SEMA3F: variants seen among roughly 807,000 people sequenced by gnomAD.
SEMA3F encodes semaphorin-3F.
Under a neutral mutation model 98.5 loss-of-function variants are expected in SEMA3F, and 30 were observed. That is an observed-to-expected ratio of 0.30 (90% confidence interval 0.23 to 0.41). The LOEUF is 0.41. Ranked by LOEUF, SEMA3F falls within the 10% of genes least tolerant of loss-of-function variation. SEMA3F has a pLI of 1.00. For missense variants in SEMA3F, 866 were observed against 1,119.3 expected, an observed-to-expected ratio of 0.77 and a Z score of 3.23; for synonymous variants, 380 against 444.8, an observed-to-expected ratio of 0.85 and a Z score of 1.83.
intron 2 of SEMA3F, among the ~76,000 whole-genome samples, chr3:50,171,382 G>C (rs1316680764): frequency 6.6e-6 from 1 of 152,154 alleles, no homozygotes; most frequent in Non-Finnish European, 1.5e-5. Flanking sequence ...GAGGCCCAAG[G>C]CTGCGCAGGG....
chr3:50,176,888 A>G, intron 7 of SEMA3F, 27 bp downstream of exon 7: 2 of 1,562,598 alleles, frequency 1.3e-6, no homozygotes, highest in Non-Finnish European at 1.8e-6. Flanking sequence ...CCCGCTCTAC[A>G]GTCTCAATGT....
At chr3:50,186,132 G>A (rs527371878) in intron 16 of SEMA3F, 86 bp downstream of exon 16, 2 of 1,481,038 alleles carry the variant, frequency 1.4e-6, no homozygotes, top group South Asian at 1.2e-5. Flanking sequence ...ATATTACCCG[G>A]GGTGCATGTG....
At chr3:50,172,421 A>T (rs2109084064) in intron 2 of SEMA3F, among the ~76,000 whole-genome samples, 1 of 152,190 alleles carries the variant, frequency 6.6e-6, no homozygotes, top group South Asian at 2.1e-4. Context: ...CCTTGGAGGC[A>T]GGTTCCCAAG....
At chr3:50,165,741 C>G (rs1368074835) in intron 2 of SEMA3F, among the ~76,000 whole-genome samples, 1 of 152,250 alleles carries the variant, frequency 6.6e-6, no homozygotes, top group Non-Finnish European at 1.5e-5. Flanking sequence ...GAATCCAAAG[C>G]CTAGCTCACG....
rs750832268 is a variant in SEMA3F at position 50,182,725 on chromosome 3, G to T, written c.845G>T (p.Arg282Leu). Residue 282 changes from arginine (R) to leucine (L), a missense_variant, in exon 9 of 19, where the codon CGG becomes CTG. Physicochemically the swap from Arg to Leu is moderately radical, Grantham distance 102. Coordinates refer to ENST00000002829, the MANE Select transcript of SEMA3F (RefSeq NM_004186.5). The surrounding 1 kb of genome is among the most constrained non-coding windows in gnomAD (Gnocchi z 4.5). ...AAGCTTTACTTCTTCTTCCGTGAGCGGTCGGCAGAGGCGCCGCAGAGCCCC... is the reference window on the plus strand; with the variant it reads ...AAGCTTTACTTCTTCTTCCGTGAGCTGTCGGCAGAGGCGCCGCAGAGCCCC... ...DDKLYFFFRE[R>L]SAEAPQSPAV... The T allele has an allele frequency of 6.2e-7, 1 of 1,613,420 alleles. No homozygotes were observed. Among genetic ancestry groups the T allele is most frequent in the South Asian group, 1.1e-5 (1 of 91,072 alleles).
In SEMA3F at chr3:50,156,864, C is replaced by T. The variant is rs1315352152; in HGVS notation, c.-49+1300C>T. 6.6e-6 allele frequency among the ~76,000 whole-genome samples: 1 copy of T among 152,128 alleles called. No homozygotes were observed. The highest frequency in any genetic ancestry group is 1.5e-5 in the Non-Finnish European group (1 of 68,024). On this transcript the variant is annotated intron_variant, in intron 1 of 18. Transcript: ENST00000002829. The surrounding 1 kb of genome is among the most constrained non-coding windows in gnomAD (Gnocchi z 4.5). Reference sequence around the variant, plus strand: ...CTTGGGGGGAGGATGGAGCCAGGCTCAGGTGACCTTGACTGGGAAACCCTG... The same window carrying T: ...CTTGGGGGGAGGATGGAGCCAGGCTTAGGTGACCTTGACTGGGAAACCCTG...
In SEMA3F at chr3:50,155,365, GC is replaced by G; in HGVS notation, c.-245del. The G allele has an allele frequency of 3.4e-6, 1 of 292,356 alleles. No individual in the cohort carries two copies. Among genetic ancestry groups the G allele is most frequent in the East Asian group, 6.3e-5 (1 of 15,782 alleles). The allele number at this position is 292,356 out of a possible 1,614,324, so 18.1% of individuals were successfully genotyped here. A position where few individuals can be genotyped will look rare whatever the true frequency, so the allele number is the denominator to read the frequency against. ...TCCCATGGCCCGGGCTGGGGCCCGGGCCCTCGGCTGCTGACGCGCCCGAAGC... is the reference window on the plus strand; with the variant it reads ...TCCCATGGCCCGGGCTGGGGCCCGGGCCTCGGCTGCTGACGCGCCCGAAGC... On this transcript the variant is annotated 5_prime_UTR_variant, in exon 1 of 19. An upstream open reading frame in the 5' UTR loses its in-frame stop. Coordinates refer to ENST00000002829, the MANE Select transcript of SEMA3F (RefSeq NM_004186.5). This position sits in a 1 kb window ranked among gnomAD's most constrained non-coding sequence, Gnocchi z 4.9.
rs371787785 is a variant in SEMA3F at position 50,182,392 on chromosome 3, G to A, written c.752G>A (p.Arg251Gln). Residue 251 changes from arginine (R) to glutamine (Q), a missense_variant, in exon 8 of 19, where the codon CGG becomes CAG. Arg to Gln is a conservative substitution (Grantham distance 43). Around this residue, in one of 3 missense-constraint regions of SEMA3F, gnomAD observed 374 missense variants for 582.8 expected, o/e 0.64. Coordinates refer to ENST00000002829, the MANE Select transcript of SEMA3F (RefSeq NM_004186.5). The surrounding 1 kb of genome is among the most constrained non-coding windows in gnomAD (Gnocchi z 4.5). ...TAMRTDQYNSRWLNDPSFIHA... is the reference protein window; with the variant it reads ...TAMRTDQYNSQWLNDPSFIHA... ...ATGCGCACGGATCAGTACAACTCCC[G>A]GTGGCTGAACGGTAAGCGCAGCCCC... 1.6e-5 allele frequency: 26 copies of A among 1,613,696 alleles called. No individual in the cohort carries two copies. The highest frequency in any genetic ancestry group is 3.3e-5 in the South Asian group (3 of 91,090).
At position 50,155,646 on chromosome 3, in the gene SEMA3F, T is replaced by G. The variant is rs1184146437; in HGVS notation, c.-49+82T>G. 1 of 212,770 alleles carries G rather than the reference T, an allele frequency of 4.7e-6. No individual in the cohort carries two copies. The highest frequency in any genetic ancestry group is 1.9e-4 in the South Asian group (1 of 5,388). 13.2% of individuals were successfully genotyped at this position (212,770 alleles called of 1,614,324 possible). ...CCTCTGGGACCCGCGGCACTGCAAC[T>G]CCGCAGAAGTGTCCGGGGAGCGGGT... is the stretch of plus-strand genomic sequence containing the variant. On this transcript the variant is annotated intron_variant, in intron 1 of 18. Coordinates refer to ENST00000002829, the MANE Select transcript of SEMA3F (RefSeq NM_004186.5). This position sits in a 1 kb window ranked among gnomAD's most constrained non-coding sequence, Gnocchi z 4.9.
chr3:50,187,901 C>T lies in SEMA3F; in HGVS notation c.2144C>T (p.Pro715Leu), dbSNP rs149408865. 270 of 1,609,212 alleles carry T rather than the reference C, an allele frequency of 1.7e-4. No individual in the cohort carries two copies. The highest frequency in any genetic ancestry group is 2.1e-4 in the Non-Finnish European group (243 of 1,177,456). Residue 715 changes from proline (P) to leucine (L), a missense_variant, in exon 19 of 19, where the codon CCG (proline) becomes CTG (leucine). Pro to Leu is a moderately conservative substitution (Grantham distance 98). Around this residue, in one of 3 missense-constraint regions of SEMA3F, gnomAD observed 245 missense variants for 260.5 expected, o/e 0.94. Transcript: ENST00000002829. ...TTCCCACCACTGTCCATGAGCGCCC[C>T]GCCACCCCCAGGCGCAGGCCCCCCA... Reference protein sequence around the residue: ...ALFPPLSMSAPPPPGAGPPTP... With the variant: ...ALFPPLSMSALPPPGAGPPTP...
In SEMA3F at chr3:50,182,143, T is replaced by G; in HGVS notation, c.644-141T>G. The G allele has an allele frequency of 2.0e-6, 2 of 1,016,402 alleles. No individual in the cohort carries two copies. The highest frequency in any genetic ancestry group is 2.6e-5 in the East Asian group (1 of 39,212). 63.0% of individuals were successfully genotyped at this position (1,016,402 alleles called of 1,614,324 possible). ...CCTCCCAGAGCCAGTGGTGAAACACTGACCAGCACTCCACTGGAGATAGGA... is the reference window on the plus strand; with the variant it reads ...CCTCCCAGAGCCAGTGGTGAAACACGGACCAGCACTCCACTGGAGATAGGA... On this transcript the variant is annotated intron_variant, in intron 7 of 18. Transcript: ENST00000002829. The surrounding 1 kb of genome is among the most constrained non-coding windows in gnomAD (Gnocchi z 4.5).
intron 16 of SEMA3F, 45 bp downstream of exon 16, chr3:50,186,091 G>A: frequency 1.3e-6 from 2 of 1,571,784 alleles, no homozygotes; most frequent in Non-Finnish European, 1.7e-6. Context: ...CAGTCCCAGG[G>A]CCCTATCCTA....
intron 1 of SEMA3F, among the ~76,000 whole-genome samples, chr3:50,157,525 G>A (rs1357039720): frequency 6.6e-6 from 1 of 152,242 alleles, no homozygotes; most frequent in East Asian, 1.9e-4. Flanking sequence ...CTGGGTGACA[G>A]GCATCTCGGG....
intron 2 of SEMA3F, among the ~76,000 whole-genome samples, chr3:50,164,554 C>T (rs1698333974): frequency 1.3e-5 from 2 of 152,158 alleles, no homozygotes; most frequent in South Asian, 4.1e-4. Flanking sequence ...CCTGGGAGAC[C>T]TCCATCTCCT....
At chr3:50,157,350 T>C in intron 1 of SEMA3F, among the ~76,000 whole-genome samples, 1 of 151,300 alleles carries the variant, frequency 6.6e-6, no homozygotes. Context: ...CTCCTCCCTC[T>C]CTCCTCCTCC....
intron 2 of SEMA3F, among the ~76,000 whole-genome samples, chr3:50,160,234 C>A (rs1364232830): frequency 6.6e-6 from 1 of 152,096 alleles, no homozygotes; most frequent in Non-Finnish European, 1.5e-5. Flanking sequence ...CTATGGTCTC[C>A]AAGTGGGAAG....
chr3:50,186,561 G>C (rs1699222561), intron 17 of SEMA3F, 52 bp from the exon 18 acceptor site: 1 of 1,561,268 alleles, frequency 6.4e-7, no homozygotes, highest in South Asian at 1.2e-5. Flanking sequence ...GAAGCAGTCA[G>C]CAGGCTGCCC....
intron 10 of SEMA3F, 37 bp from the exon 11 acceptor site, chr3:50,183,149 C>T (rs972302443): frequency 2.5e-6 from 4 of 1,608,494 alleles, no homozygotes; most frequent in Non-Finnish European, 3.4e-6. Context: ...GGCTCCCGCC[C>T]ATGGCACCCT....
chr3:50,169,269 T>TA (rs1698515912), intron 2 of SEMA3F, among the ~76,000 whole-genome samples: 1 of 152,036 alleles, frequency 6.6e-6, no homozygotes, highest in South Asian at 2.1e-4. Flanking sequence ...TAAAGTAAGG[T>TA]ATCACCAGCT....
Sources: gnomAD v4.1 joint callset for allele counts (sites outside exome capture counted in the v4.1 genomes callset) on GRCh38, gnomAD v4.1.1 for gene constraint, gnomAD v4.1.1 regional missense constraint, Gnocchi (gnomAD v3.1) non-coding constraint, MANE v1.5 for transcripts, NCBI Gene and HGNC (gene_info 2026-07-23, HGNC 2026-07-21) for gene names.